The following RAPGEF6 variants were observed in gnomAD, a reference collection of about 807,000 sequenced individuals.
RAPGEF6 encodes the protein Rap guanine nucleotide exchange factor 6.
A neutral mutation model predicts 171.4 loss-of-function variants in RAPGEF6; 56 were observed. The ratio of observed to expected loss-of-function variants is 0.33; its 90% CI spans 0.26 to 0.41. RAPGEF6 has a LOEUF of 0.41. Among genes scored for constraint, RAPGEF6 ranks in the 10% least tolerant of loss-of-function variants. RAPGEF6 has a pLI of 1.00. For synonymous variants in RAPGEF6, 692 were observed against 650.1 expected (o/e 1.06, Z -0.98); for missense variants, 1,674 against 1,921.4 (o/e 0.87, Z 2.41).
intron 19 of RAPGEF6, among the ~76,000 whole-genome samples, chr5:131,460,489 T>G (rs1484578121): frequency 2.0e-5 from 3 of 152,206 alleles, no homozygotes; most frequent in African/African-American, 7.2e-5. Context: ...AATTTTCAAA[T>G]TCTTTACTTG....
In RAPGEF6 at chr5:131,600,477, G is replaced by A. The variant is rs539945184; in HGVS notation, c.197+2794C>T. 1.5e-4 allele frequency among the ~76,000 whole-genome samples: 23 copies of A among 150,848 alleles called. No individual in the cohort carries two copies. In the South Asian group the frequency reaches 3.2e-3, roughly 21 times the overall value. On this transcript the variant is annotated intron_variant, in intron 3 of 27. Transcript: ENST00000509018. ...GCGGAGGTTGTAGTAAGCCGAGATC[G>A]CGCCACTGCACTCCAACCTGGGTGA...
At chr5:131,483,413 T>C (rs990747040) in intron 15 of RAPGEF6, among the ~76,000 whole-genome samples, 3 of 150,500 alleles carry the variant, frequency 2.0e-5, no homozygotes, top group African/African-American at 2.4e-5. Context: ...AAGCAAAAAT[T>C]TGTGGAGCTT....
At chr5:131,495,301 A>C (rs1230242205) in intron 13 of RAPGEF6, among the ~76,000 whole-genome samples, 4 of 119,770 alleles carry the variant, frequency 3.3e-5, no homozygotes, top group East Asian at 2.3e-4. Context: ...TCAAAAAAAA[A>C]ACAAATAAAT....
chr5:131,515,211 T>A, intron 7 of RAPGEF6, among the ~76,000 whole-genome samples: 1 of 152,226 alleles, frequency 6.6e-6, no homozygotes. Context: ...AGACTTTCAG[T>A]GCCTCTCTTT....
chr5:131,427,357 T>C (rs950913126), intron 27 of RAPGEF6, 66 bp from the exon 28 acceptor site: 8 of 1,344,488 alleles, frequency 6.0e-6, no homozygotes, highest in Non-Finnish European at 8.3e-6. Context: ...ATAATCTAGT[T>C]ATCTATTTAG....
At position 131,459,589 on chromosome 5, in the gene RAPGEF6, T is replaced by A. The variant is rs142748566; in HGVS notation, c.2864+2116A>T. Among the ~76,000 whole-genome samples, 50 of 152,268 alleles carry A rather than the reference T, an allele frequency of 3.3e-4. 1 individual carries two copies. The East Asian group carries it at 8.9e-3, about 27-fold the overall frequency. On this transcript the variant is annotated intron_variant, in intron 19 of 27. Transcript: ENST00000509018. ...CATGGCAAAAGTAAACACCACACAC[T>A]GTTTTAAATAGCCAAAGTCTGGAAA...
chr5:131,594,735 C>T (rs1763792589), intron 3 of RAPGEF6, among the ~76,000 whole-genome samples: 1 of 152,148 alleles, frequency 6.6e-6, no homozygotes, highest in Non-Finnish European at 1.5e-5. Context: ...CCTCAGGGTG[C>T]CCTGGATGTG....
intron 22 of RAPGEF6, among the ~76,000 whole-genome samples, chr5:131,443,458 A>G (rs1221932350): frequency 6.6e-6 from 1 of 152,138 alleles, no homozygotes; most frequent in Non-Finnish European, 1.5e-5. Flanking sequence ...CACCTTTACT[A>G]CTGAAATACT....
chr5:131,523,279 CT>C (rs1171953953), intron 6 of RAPGEF6, among the ~76,000 whole-genome samples: 9,074 of 66,618 alleles, frequency 0.14, 287 homozygotes, highest in East Asian at 0.21. Flanking sequence ...CTGTTGTATG[CT>C]TTTTTTTTTT....
rs560406246 is a variant in RAPGEF6 at position 131,459,380 on chromosome 5, C to T, written c.2864+2325G>A. Among the ~76,000 whole-genome samples, 20 of 152,216 alleles carry T rather than the reference C, an allele frequency of 1.3e-4. No individual in the cohort carries two copies. The South Asian group carries it at 4.2e-3, about 32-fold the overall frequency. ...GTATTAGCTCATTGAATACTCTTAA[C>T]CTTATTAGGTAGGAACTACCAGGAT... On this transcript the variant is annotated intron_variant, in intron 19 of 27. Coordinates refer to ENST00000509018, the MANE Select transcript of RAPGEF6 (RefSeq NM_016340.6).
chr5:131,567,403 C>G (rs779983932), intron 4 of RAPGEF6, among the ~76,000 whole-genome samples: 2 of 152,118 alleles, frequency 1.3e-5, no homozygotes, highest in Non-Finnish European at 2.9e-5. Flanking sequence ...TAAATATGAT[C>G]TAAATTTCCC....
chr5:131,633,619 T>A (rs1349643355), intron 1 of RAPGEF6, among the ~76,000 whole-genome samples: 1 of 151,984 alleles, frequency 6.6e-6, no homozygotes, highest in Non-Finnish European at 1.5e-5. Flanking sequence ...TAATCCCAGC[T>A]ACTCCGGAGG....
intron 6 of RAPGEF6, among the ~76,000 whole-genome samples, chr5:131,523,820 C>T (rs896716232): frequency 2.4e-5 from 2 of 82,204 alleles, no homozygotes; most frequent in African/African-American, 7.9e-5. Flanking sequence ...AAAAAACCCA[C>T]CCCAAAACAA....
intron 4 of RAPGEF6, 97 bp downstream of exon 4, chr5:131,592,286 C>G: frequency 6.7e-7 from 1 of 1,495,248 alleles, no homozygotes. Flanking sequence ...CAAGCAAAGA[C>G]ATTTAAAAGA....
rs540581712 is a variant in RAPGEF6 at position 131,517,833 on chromosome 5, T to C, written c.627+3557A>G. On this transcript the variant is annotated intron_variant, in intron 7 of 27. Coordinates refer to ENST00000509018, the MANE Select transcript of RAPGEF6 (RefSeq NM_016340.6). Reference sequence around the variant, plus strand: ...CACACACACACACACAAAATTTAGTTAGACATTTCTCTTACCCATGGATTA... The same window carrying C: ...CACACACACACACACAAAATTTAGTCAGACATTTCTCTTACCCATGGATTA... Among the ~76,000 whole-genome samples the C allele has an allele frequency of 1.1e-4, 17 of 150,860 alleles. No individual in the cohort carries two copies. The South Asian group carries it at 3.6e-3, about 32-fold the overall frequency.
At chr5:131,452,952 G>C in intron 21 of RAPGEF6, 102 bp downstream of exon 21, 1 of 1,419,584 alleles carries the variant, frequency 7.0e-7, no homozygotes, top group Admixed American at 2.2e-5. Context: ...ACTTTGTACA[G>C]CACACATGGT....
In RAPGEF6 at chr5:131,526,927, A is replaced by G. The variant is rs541018495; in HGVS notation, c.496-5406T>C. On this transcript the variant is annotated intron_variant, in intron 6 of 27. Coordinates refer to ENST00000509018, the MANE Select transcript of RAPGEF6 (RefSeq NM_016340.6). ...TATGAAGTTACAAAGTCTGCTGAAT[A>G]CTTTGTATATATAGAGGGGGGTGGG... 7.9e-5 allele frequency among the ~76,000 whole-genome samples: 12 copies of G among 152,294 alleles called. No homozygotes were observed. The South Asian group carries it at 2.5e-3, about 32-fold the overall frequency.
chr5:131,435,689 TA>T, intron 24 of RAPGEF6: 3 of 441,242 alleles, frequency 6.8e-6, no homozygotes, highest in Non-Finnish European at 1.1e-5. Flanking sequence ...AAGTAGAAGA[TA>T]AAAAAGCCTC....
intron 22 of RAPGEF6, among the ~76,000 whole-genome samples, chr5:131,443,669 C>T (rs2149814807): frequency 6.6e-6 from 1 of 152,310 alleles, no homozygotes; most frequent in Admixed American, 6.5e-5. Flanking sequence ...TCAGCCTGCT[C>T]CCTTGACTTG....
Sources: gnomAD v4.1 joint callset for allele counts (sites outside exome capture counted in the v4.1 genomes callset) on GRCh38, gnomAD v4.1.1 for gene constraint, MANE v1.5 for transcripts, NCBI Gene and HGNC (gene_info 2026-07-23, HGNC 2026-07-21) for gene names.